Variants in TMEM266 observed in about 807,000 individuals in gnomAD.
The protein encoded by TMEM266 is transmembrane protein 266.
TMEM266 carries 33 observed loss-of-function variants against 50.5 expected under a neutral mutation model. That is an observed-to-expected ratio of 0.65 (90% CI 0.50 to 0.87). The LOEUF (loss-of-function observed/expected upper bound fraction) is 0.87, where lower values mean the gene tolerates loss of function less well. Ranked by LOEUF, TMEM266 falls within the 40% of genes least tolerant of loss-of-function variation. TMEM266 has a pLI of 0.00. For missense variants in TMEM266, 655 were observed against 695.1 expected (o/e 0.94, Z 0.65); for synonymous variants, 310 against 292.3 (o/e 1.06, Z -0.62).
At chr15:76,092,195 A>C (rs2036858337) in intron 1 of TMEM266, among the ~76,000 whole-genome samples, 2 of 152,134 alleles carry the variant, frequency 1.3e-5, no homozygotes, top group East Asian at 3.9e-4. Context: ...TAACCACACT[A>C]CCTGATTCTG....
chr15:76,152,237 G>A (rs1359325345), intron 3 of TMEM266, among the ~76,000 whole-genome samples: 1 of 152,210 alleles, frequency 6.6e-6, no homozygotes, highest in African/African-American at 2.4e-5. Context: ...GGGGTGCACA[G>A]AGCAAGATGC....
rs1274909497 is a variant in TMEM266 at position 76,080,912 on chromosome 15, AT to A, written c.-97+20910del. Reference sequence around the variant, plus strand: ...AGGCGTGCACCACTGTGCCCAGCTAATTTTTTTTTTTTTTAATTTGTAGAGA... The same window carrying A: ...AGGCGTGCACCACTGTGCCCAGCTAATTTTTTTTTTTTTAATTTGTAGAGA... On this transcript the variant is annotated intron_variant, in intron 1 of 10. Transcript: ENST00000388942. Among the ~76,000 whole-genome samples, 1,032 of 141,632 alleles carry A rather than the reference AT, an allele frequency of 7.3e-3. 6 individuals carry two copies. Among genetic ancestry groups the A allele is most frequent in the African/African-American group, 0.017 (682 of 39,022 alleles). 92.9% of individuals were successfully genotyped at this position (141,632 alleles called of 152,430 possible). A position where few individuals can be genotyped will look rare whatever the true frequency, so the allele number is the denominator to read the frequency against.
Position 76,160,105 on chromosome 15 carries a change from A to G in TMEM266, c.393A>G (p.Ala131=). 6 of 1,614,188 alleles carry G rather than the reference A, an allele frequency of 3.7e-6. No individual in the cohort carries two copies. The highest frequency in any genetic ancestry group is 2.2e-5 in the South Asian group (2 of 91,076). Residue 131 remains alanine, a synonymous_variant, in exon 5 of 11, where the codon GCA becomes GCG. Coordinates refer to ENST00000388942, the MANE Select transcript of TMEM266 (RefSeq NM_152335.3). This position sits in a 1 kb window ranked among gnomAD's most constrained non-coding sequence, Gnocchi z 5.7. ...TCGTGTCCATTGCAGTTTCCAGCGC[A>G]TTCCAGTTTGCTGGCGTGATTCACT...
intron 6 of TMEM266, 98 bp downstream of exon 6, chr15:76,169,970 G>A: frequency 3.0e-6 from 4 of 1,355,208 alleles, no homozygotes; most frequent in Non-Finnish European, 4.2e-6. Context: ...CCATCAAGAA[G>A]GCTGGTTCCT....
At chr15:76,110,696 C>T (rs78909256) in intron 1 of TMEM266, among the ~76,000 whole-genome samples, 3,957 of 152,166 alleles carry the variant, frequency 0.026, 71 homozygotes, top group Non-Finnish European at 0.04. Context: ...TATGATGAAA[C>T]GACAAGCCAC....
rs1567188988 is a variant in TMEM266, at chr15:76,204,147, CG to C, written c.1429del (p.Glu477SerfsTer6). 1 of 1,613,602 alleles carries C rather than the reference CG, an allele frequency of 6.2e-7. No homozygotes were observed. The highest frequency in any genetic ancestry group is 1.7e-5 in the Admixed American group (1 of 60,030). On this transcript the variant is annotated frameshift_variant, in exon 11 of 11. Transcript: ENST00000388942. LOFTEE classifies it high-confidence loss of function. Reference sequence around the variant, plus strand: ...CAGCGGGCTCGGCCCAAACCAGCCCCGAGCTGGAACACAGGGTAAGTCTGTT... The same window carrying C: ...CAGCGGGCTCGGCCCAAACCAGCCCCAGCTGGAACACAGGGTAAGTCTGTT...
chr15:76,081,779 A>G (rs897233603), intron 1 of TMEM266, among the ~76,000 whole-genome samples: 2 of 152,178 alleles, frequency 1.3e-5, no homozygotes, highest in East Asian at 3.8e-4. Flanking sequence ...CACACTGCAA[A>G]TCTGCCCACC....
intron 3 of TMEM266, among the ~76,000 whole-genome samples, chr15:76,148,485 C>T (rs2037789786): frequency 6.6e-6 from 1 of 152,144 alleles, no homozygotes; most frequent in South Asian, 2.1e-4. Flanking sequence ...TTCAGGGTGG[C>T]GGGGACTTTA....
rs145062708 is a variant in TMEM266, at chr15:76,169,340, G to A, written c.457-476G>A. 1.7e-3 allele frequency among the ~76,000 whole-genome samples: 253 copies of A among 152,182 alleles called. 4 individuals are homozygous for A. Among genetic ancestry groups the A allele is most frequent in the Admixed American group, 0.015 (228 of 15,278 alleles). On this transcript the variant is annotated intron_variant, in intron 5 of 10. Transcript: ENST00000388942. ...GGAAGGAGGGAGGAGATTTGGGGTC[G>A]GGGAGTGGAGAAGGGAGTCAACTGC... is the stretch of plus-strand genomic sequence containing the variant.
At chr15:76,073,555 G>A (rs776749032) in intron 1 of TMEM266, among the ~76,000 whole-genome samples, 3 of 152,144 alleles carry the variant, frequency 2.0e-5, no homozygotes, top group African/African-American at 2.4e-5. Context: ...TTCTGTACAC[G>A]GTGCAGTTCC....
chr15:76,130,059 A>G lies in TMEM266; in HGVS notation c.-96-4109A>G, dbSNP rs570551626. ...GGCAACATACTGAGACCTCCTCTCT[A>G]CAAAAAATACAAAAGGTAGCCGGGT... On this transcript the variant is annotated intron_variant, in intron 1 of 10. Coordinates refer to ENST00000388942, the MANE Select transcript of TMEM266 (RefSeq NM_152335.3). Among the ~76,000 whole-genome samples the G allele has an allele frequency of 5.9e-5, 9 of 151,596 alleles. No homozygotes were observed. In the South Asian group the frequency reaches 1.5e-3, roughly 25 times the overall value.
intron 1 of TMEM266, among the ~76,000 whole-genome samples, chr15:76,089,965 AC>A (rs2036826982): frequency 6.6e-6 from 1 of 152,192 alleles, no homozygotes; most frequent in South Asian, 2.1e-4. Context: ...TGGTAACTTC[AC>A]AAGACAAAAT....
At chr15:76,155,411 C>A (rs2037910006) in intron 3 of TMEM266, among the ~76,000 whole-genome samples, 1 of 152,176 alleles carries the variant, frequency 6.6e-6, no homozygotes, top group Non-Finnish European at 1.5e-5. Flanking sequence ...AGCTCAGATT[C>A]TGTGACCCCT....
chr15:76,121,039 G>A (rs1373940382), intron 1 of TMEM266, among the ~76,000 whole-genome samples: 1 of 152,116 alleles, frequency 6.6e-6, no homozygotes, highest in Non-Finnish European at 1.5e-5. Context: ...ACTGCTGAGT[G>A]ATAAAAGCAA....
intron 1 of TMEM266, among the ~76,000 whole-genome samples, chr15:76,084,808 G>A (rs550247500): frequency 2.6e-5 from 4 of 151,426 alleles, no homozygotes; most frequent in Non-Finnish European, 4.4e-5. Context: ...TCACCATATT[G>A]GCCAGGCTGG....
At chr15:76,144,490 G>A (rs1202515535) in intron 3 of TMEM266, among the ~76,000 whole-genome samples, 2 of 152,146 alleles carry the variant, frequency 1.3e-5, no homozygotes, top group African/African-American at 4.8e-5. Context: ...AGGGGCTTCA[G>A]AAACCCAAAG....
chr15:76,065,943 AGAG>A (rs1370137122), intron 1 of TMEM266, among the ~76,000 whole-genome samples: 3 of 152,046 alleles, frequency 2.0e-5, no homozygotes, highest in African/African-American at 7.2e-5. Flanking sequence ...TTCCCTGGCC[AGAG>A]GAGGGAAGAA....
intron 1 of TMEM266, among the ~76,000 whole-genome samples, chr15:76,122,612 A>G (rs962232685): frequency 1.4e-4 from 22 of 152,214 alleles, no homozygotes; most frequent in African/African-American, 5.3e-4. Flanking sequence ...TGGCATTTAT[A>G]CTTAAGATTT....
intron 3 of TMEM266, among the ~76,000 whole-genome samples, chr15:76,151,068 G>C (rs375881517): frequency 2.2e-4 from 33 of 152,190 alleles, no homozygotes; most frequent in African/African-American, 7.9e-4. Flanking sequence ...CCCAAGCCGG[G>C]CCCCTGGAGC....
Sources: gnomAD v4.1 joint callset for allele counts (sites outside exome capture counted in the v4.1 genomes callset) on GRCh38, gnomAD v4.1.1 for gene constraint, Gnocchi (gnomAD v3.1) non-coding constraint, MANE v1.5 for transcripts, NCBI Gene and HGNC (gene_info 2026-07-23, HGNC 2026-07-21) for gene names.